GUCY1A2: variants seen among roughly 807,000 people sequenced by gnomAD.
GUCY1A2 encodes guanylate cyclase soluble subunit alpha-2.
A neutral mutation model predicts 63.5 loss-of-function variants in GUCY1A2; 27 were observed. The ratio of observed to expected loss-of-function variants is 0.43; its 90% CI spans 0.31 to 0.59. GUCY1A2 has a LOEUF of 0.59. Among genes scored for constraint, GUCY1A2 ranks in the 20% least tolerant of loss-of-function variants. The probability of loss-of-function intolerance (pLI) is 0.11; values close to 1 mark genes in which losing one functional copy is unlikely to be tolerated. For synonymous variants in GUCY1A2, 364 were observed against 343.5 expected (o/e 1.06, Z -0.66); for missense variants, 768 against 913.3 (o/e 0.84, Z 2.05).
intron 1 of GUCY1A2, among the ~76,000 whole-genome samples, chr11:106,988,649 C>A (rs1177545728): frequency 6.6e-6 from 1 of 152,324 alleles, no homozygotes; most frequent in East Asian, 1.9e-4. Context: ...GCACATCCAA[C>A]AAAGCTTCAG....
At chr11:106,707,978 A>G (rs1490576794) in intron 7 of GUCY1A2, among the ~76,000 whole-genome samples, 2 of 152,082 alleles carry the variant, frequency 1.3e-5, no homozygotes, top group Non-Finnish European at 2.9e-5. Flanking sequence ...CAGATTTTCA[A>G]ATTTGGGATG....
rs76945912 is a variant in GUCY1A2, at chr11:106,680,692, C to T, written c.*6857G>A. 571 of 203,150 alleles carry T rather than the reference C, an allele frequency of 2.8e-3. 2 individuals are homozygous for T. The highest frequency in any genetic ancestry group is 8.0e-3 in the African/African-American group (350 of 43,772). 12.6% of individuals were successfully genotyped at this position (203,150 alleles called of 1,614,324 possible). A position where few individuals can be genotyped will look rare whatever the true frequency, so the allele number is the denominator to read the frequency against. On this transcript the variant is annotated 3_prime_UTR_variant, in exon 8 of 8. Transcript: ENST00000526355. The stretch of plus-strand genomic sequence containing the variant: ...TCAAAGCCTCAGTAAATCAACAATC[C>T]GGTTTGATTTTGATAGGGAAATTTT...
intron 4 of GUCY1A2, chr11:106,827,111 C>T: frequency 6.1e-6 from 9 of 1,482,600 alleles, no homozygotes; most frequent in Middle Eastern, 3.7e-4. Context: ...TTCTTTACTT[C>T]ACACATAGCT....
At chr11:106,840,203 G>C (rs950067124) in intron 4 of GUCY1A2, among the ~76,000 whole-genome samples, 10 of 151,892 alleles carry the variant, frequency 6.6e-5, no homozygotes, top group African/African-American at 2.2e-4. Flanking sequence ...TGGAAGAAAA[G>C]AAGCACTATT....
chr11:106,675,200 C>T lies in GUCY1A2; in HGVS notation c.*12349G>A, dbSNP rs947454554. 4.9e-6 allele frequency: 1 copy of T among 205,026 alleles called. No individual in the cohort carries two copies. The highest frequency in any genetic ancestry group is 2.3e-5 in the African/African-American group (1 of 43,346). The allele number at this position is 205,026 out of a possible 1,614,324, so 12.7% of individuals were successfully genotyped here. On this transcript the variant is annotated 3_prime_UTR_variant, in exon 8 of 8. Coordinates refer to ENST00000526355, the MANE Select transcript of GUCY1A2 (RefSeq NM_000855.3). Reference sequence around the variant, plus strand: ...TGAGACAGTTTTGTCACTTAATTACCGAAGTTATAATGTAGCTACAGGCAG... The same window carrying T: ...TGAGACAGTTTTGTCACTTAATTACTGAAGTTATAATGTAGCTACAGGCAG...
Position 106,939,609 on chromosome 11 carries a change from C to A in GUCY1A2, c.1057G>T (p.Asp353Tyr). ...GEGLRKQLRCDTHKVLKFEDC... is the reference protein window; with the variant it reads ...GEGLRKQLRCYTHKVLKFEDC... ...TCAAACTTGAGCACTTTGTGAGTGT[C>A]ACATCGAAGCTGCTTCCTTAGACCT... Residue 353 changes from aspartate to tyrosine, a missense_variant, in exon 4 of 8, where the codon GAC becomes TAC. Coordinates refer to ENST00000526355, the MANE Select transcript of GUCY1A2 (RefSeq NM_000855.3). The A allele has an allele frequency of 1.2e-6, 2 of 1,613,862 alleles. No homozygotes were observed. Among genetic ancestry groups the A allele is most frequent in the Non-Finnish European group, 1.7e-6 (2 of 1,179,842 alleles).
intron 6 of GUCY1A2, among the ~76,000 whole-genome samples, chr11:106,747,612 T>C (rs1863812651): frequency 6.6e-6 from 1 of 152,242 alleles, no homozygotes. Context: ...TTTTTGCATT[T>C]TTTCCCTTTA....
intron 3 of GUCY1A2, among the ~76,000 whole-genome samples, chr11:106,949,220 T>C (rs1860871891): frequency 6.6e-6 from 1 of 152,162 alleles, no homozygotes; most frequent in African/African-American, 2.4e-5. Context: ...CTCATCATAT[T>C]GTTTCTCTGG....
Position 106,776,681 on chromosome 11 carries a change from G to T in GUCY1A2, c.1693-99C>A. The T allele has an allele frequency of 1.8e-6, 2 of 1,120,026 alleles. No homozygotes were observed. The highest frequency in any genetic ancestry group is 2.6e-6 in the Non-Finnish European group (2 of 767,362). The allele number at this position is 1,120,026 out of a possible 1,614,324, so 69.4% of individuals were successfully genotyped here. A position where few individuals can be genotyped will look rare whatever the true frequency, so the allele number is the denominator to read the frequency against. On this transcript the variant is annotated intron_variant, in intron 5 of 7. Coordinates refer to ENST00000526355, the MANE Select transcript of GUCY1A2 (RefSeq NM_000855.3). Reference sequence around the variant, plus strand: ...CACAAATGTTGCTGAAAAACATGTCGGCAAAACATCAATAAATTAAGCAAT... The same window carrying T: ...CACAAATGTTGCTGAAAAACATGTCTGCAAAACATCAATAAATTAAGCAAT...
chr11:106,955,242 G>T (rs7933648), intron 3 of GUCY1A2, among the ~76,000 whole-genome samples: 1,818 of 152,298 alleles, frequency 0.012, 25 homozygotes, highest in South Asian at 0.047. Flanking sequence ...AAAGTGTTGG[G>T]ATTACAGGTG....
chr11:106,808,220 C>T (rs578023239), intron 5 of GUCY1A2, among the ~76,000 whole-genome samples: 319 of 147,698 alleles, frequency 2.2e-3, no homozygotes, highest in African/African-American at 7.6e-3. Flanking sequence ...ATTTCCTAAA[C>T]AAGTTTAGTT....
At chr11:106,818,001 T>TA (rs1476668663) in intron 4 of GUCY1A2, among the ~76,000 whole-genome samples, 1 of 152,036 alleles carries the variant, frequency 6.6e-6, no homozygotes, top group Non-Finnish European at 1.5e-5. Context: ...AGTATATATT[T>TA]AAAAAATGAA....
chr11:106,775,056 T>C (rs1334690627), intron 6 of GUCY1A2, among the ~76,000 whole-genome samples: 2 of 152,154 alleles, frequency 1.3e-5, no homozygotes, highest in African/African-American at 4.8e-5. Context: ...TTCTTCCCCA[T>C]AGTACTTTGT....
In GUCY1A2 at chr11:106,966,096, T is replaced by C. The variant is rs140155981; in HGVS notation, c.487+12523A>G. Among the ~76,000 whole-genome samples, 3 of 152,066 alleles carry C rather than the reference T, an allele frequency of 2.0e-5. No individual in the cohort carries two copies. In the East Asian group the frequency reaches 5.8e-4, roughly 29 times the overall value. On this transcript the variant is annotated intron_variant, in intron 3 of 7. Coordinates refer to ENST00000526355, the MANE Select transcript of GUCY1A2 (RefSeq NM_000855.3). ...CACTCTTTTACATTCCACTGGCTTA[T>C]TTTTCTTCTCTTTTCTTTTTTGTTT...
chr11:106,692,180 T>C (rs1044802110), intron 7 of GUCY1A2, among the ~76,000 whole-genome samples: 7 of 152,182 alleles, frequency 4.6e-5, no homozygotes, highest in African/African-American at 1.7e-4. Flanking sequence ...TCAGGGCTGA[T>C]ATGGAAGGTT....
chr11:106,872,105 G>A (rs1859687322), intron 4 of GUCY1A2, among the ~76,000 whole-genome samples: 1 of 152,086 alleles, frequency 6.6e-6, no homozygotes, highest in African/African-American at 2.4e-5. Flanking sequence ...GAAAGAGAAT[G>A]AAGATTTAAG....
chr11:106,946,514 TG>T (rs1448092568), intron 3 of GUCY1A2, among the ~76,000 whole-genome samples: 1 of 151,592 alleles, frequency 6.6e-6, no homozygotes, highest in Non-Finnish European at 1.5e-5. Context: ...AGGTTGAAAA[TG>T]AGTCAACAGG....
intron 4 of GUCY1A2, among the ~76,000 whole-genome samples, chr11:106,931,692 G>A (rs917094538): frequency 6.6e-6 from 1 of 152,192 alleles, no homozygotes; most frequent in East Asian, 1.9e-4. Context: ...CTACACTACA[G>A]ATAAGCTCAA....
chr11:106,748,816 AG>A (rs1271940584), intron 6 of GUCY1A2, among the ~76,000 whole-genome samples: 3 of 152,122 alleles, frequency 2.0e-5, no homozygotes, highest in Non-Finnish European at 4.4e-5. Context: ...AAATTACTTT[AG>A]GGAGTTATGA....
Sources: gnomAD v4.1 joint callset for allele counts (sites outside exome capture counted in the v4.1 genomes callset) on GRCh38, gnomAD v4.1.1 for gene constraint, MANE v1.5 for transcripts, NCBI Gene and HGNC (gene_info 2026-07-23, HGNC 2026-07-21) for gene names.